Variants in CDH12 observed in about 807,000 individuals in gnomAD.
CDH12 encodes the protein cadherin-12.
In CDH12, 41 loss-of-function variants were observed where a neutral mutation model predicts 74.1. The ratio of observed to expected loss-of-function variants is 0.55; its 90% CI spans 0.43 to 0.72. CDH12 has a LOEUF of 0.72. Among genes scored for constraint, CDH12 ranks in the 30% least tolerant of loss-of-function variants. The probability of loss-of-function intolerance (pLI) is 0.00; values close to 1 mark genes in which losing one functional copy is unlikely to be tolerated. For missense variants in CDH12, 945 were observed against 977.2 expected (o/e 0.97, Z 0.44); for synonymous variants, 399 against 355.0 (o/e 1.12, Z -1.39).
chr5:22,582,796 A>G (rs1005059416), intron 1 of CDH12, among the ~76,000 whole-genome samples: 1 of 152,128 alleles, frequency 6.6e-6, no homozygotes, highest in African/African-American at 2.4e-5. Flanking sequence ...TCATGTTTTC[A>G]TGAAAGATGG....
intron 1 of CDH12, among the ~76,000 whole-genome samples, chr5:22,535,605 T>A (rs1431895749): frequency 2.0e-5 from 3 of 152,230 alleles, no homozygotes; most frequent in African/African-American, 7.2e-5. Flanking sequence ...AGAATTTGAT[T>A]TAAAAAGCTT....
chr5:22,088,363 T>C (rs771237966), intron 4 of CDH12, among the ~76,000 whole-genome samples: 2 of 152,050 alleles, frequency 1.3e-5, no homozygotes, highest in Non-Finnish European at 1.5e-5. Flanking sequence ...TCTCAGAGGA[T>C]AAAAGCTCTG....
At chr5:21,830,994 C>T (rs1748987244) in intron 8 of CDH12, among the ~76,000 whole-genome samples, 1 of 151,764 alleles carries the variant, frequency 6.6e-6, no homozygotes, top group African/African-American at 2.4e-5. Flanking sequence ...GTCGAGATGG[C>T]ACCACTGCAC....
chr5:22,257,410 T>C (rs1333374308), intron 3 of CDH12, among the ~76,000 whole-genome samples: 3 of 151,974 alleles, frequency 2.0e-5, no homozygotes, highest in Admixed American at 6.6e-5. Flanking sequence ...AGAAAATATT[T>C]TTGTACATCT....
intron 4 of CDH12, among the ~76,000 whole-genome samples, chr5:22,194,257 C>T (rs926062178): frequency 1.3e-5 from 2 of 150,930 alleles, no homozygotes; most frequent in South Asian, 2.1e-4. Context: ...TTAATGGTGT[C>T]TTATGTAACC....
intron 4 of CDH12, among the ~76,000 whole-genome samples, chr5:22,084,102 A>T (rs1742914086): frequency 6.6e-6 from 1 of 152,158 alleles, no homozygotes; most frequent in Non-Finnish European, 1.5e-5. Context: ...ATAGGATTGC[A>T]CAGTGACTGA....
At chr5:22,002,176 A>G (rs1736644002) in intron 5 of CDH12, among the ~76,000 whole-genome samples, 1 of 152,184 alleles carries the variant, frequency 6.6e-6, no homozygotes, top group South Asian at 2.1e-4. Flanking sequence ...AAAATATTCC[A>G]AACATTTTTA....
chr5:22,344,684 C>G (rs1740034298), intron 3 of CDH12, among the ~76,000 whole-genome samples: 1 of 151,632 alleles, frequency 6.6e-6, no homozygotes, highest in South Asian at 2.1e-4. Flanking sequence ...GACTCTAAAG[C>G]CTTCATTTAA....
intron 1 of CDH12, among the ~76,000 whole-genome samples, chr5:22,785,554 C>T (rs1329470712): frequency 6.6e-6 from 1 of 152,144 alleles, no homozygotes; most frequent in Non-Finnish European, 1.5e-5. Flanking sequence ...AGGTCTCACT[C>T]TGTCATCCAT....
chr5:21,942,411 T>C (rs1332340931), intron 6 of CDH12, among the ~76,000 whole-genome samples: 1 of 149,392 alleles, frequency 6.7e-6, no homozygotes, highest in Non-Finnish European at 1.5e-5. Context: ...TGGGTGTGTA[T>C]TAGGAAAAGT....
At chr5:21,879,590 C>G (rs1752133725) in intron 6 of CDH12, among the ~76,000 whole-genome samples, 1 of 152,150 alleles carries the variant, frequency 6.6e-6, no homozygotes, top group Non-Finnish European at 1.5e-5. Context: ...TGAGGCTTCT[C>G]TCATTATACT....
At chr5:22,738,215 A>G (rs1034162904) in intron 1 of CDH12, among the ~76,000 whole-genome samples, 8 of 152,044 alleles carry the variant, frequency 5.3e-5, no homozygotes, top group Admixed American at 6.6e-5. Flanking sequence ...TGTCTCGTGG[A>G]GCAGACGTTA....
chr5:22,660,070 G>T (rs1580860898), intron 1 of CDH12, among the ~76,000 whole-genome samples: 1 of 151,952 alleles, frequency 6.6e-6, no homozygotes, highest in East Asian at 1.9e-4. Flanking sequence ...TTTCTTTCAT[G>T]CTTTCAAGGA....
At chr5:22,794,674 A>G (rs556149014) in intron 1 of CDH12, among the ~76,000 whole-genome samples, 1 of 152,350 alleles carries the variant, frequency 6.6e-6, no homozygotes, top group African/African-American at 2.4e-5. Context: ...AGTAGACTGA[A>G]TAATGCCCCA....
intron 5 of CDH12, among the ~76,000 whole-genome samples, chr5:21,995,164 C>T (rs940343002): frequency 2.6e-5 from 4 of 151,998 alleles, no homozygotes; most frequent in Non-Finnish European, 4.4e-5. Context: ...AACTGGAACA[C>T]TCACCGCGAT....
intron 5 of CDH12, among the ~76,000 whole-genome samples, chr5:22,005,027 C>A (rs1305804477): frequency 6.6e-6 from 1 of 151,742 alleles, no homozygotes; most frequent in East Asian, 1.9e-4. Context: ...TTCTTTCTTT[C>A]TTTATTGTAT....
At chr5:22,419,982 A>AT (rs764084117) in intron 2 of CDH12, among the ~76,000 whole-genome samples, 128 of 141,996 alleles carry the variant, frequency 9.0e-4, no homozygotes, top group Middle Eastern at 3.6e-3. Context: ...CTTTGCCCAT[A>AT]TTTTAATGGG....
At chr5:22,048,536 A>G (rs1740123447) in intron 5 of CDH12, among the ~76,000 whole-genome samples, 1 of 152,148 alleles carries the variant, frequency 6.6e-6, no homozygotes, top group South Asian at 2.1e-4. Context: ...GTCATATTGA[A>G]TGGCGGGGAA....
At chr5:22,619,323 A>G (rs903148949) in intron 1 of CDH12, among the ~76,000 whole-genome samples, 1 of 152,124 alleles carries the variant, frequency 6.6e-6, no homozygotes, top group Non-Finnish European at 1.5e-5. Flanking sequence ...ATCTGAGCCA[A>G]TTGCCAGGAC....
Sources: gnomAD v4.1 joint callset for allele counts (sites outside exome capture counted in the v4.1 genomes callset) on GRCh38, gnomAD v4.1.1 for gene constraint, MANE v1.5 for transcripts, NCBI Gene and HGNC (gene_info 2026-07-23, HGNC 2026-07-21) for gene names.